The following PCDH15 variants were observed in gnomAD, a reference collection of about 807,000 sequenced individuals.
PCDH15 encodes protocadherin-15.
PCDH15 carries 129 observed loss-of-function variants against 178.5 expected under a neutral mutation model. The observed-to-expected ratio is 0.72, with a 90% CI of 0.63 to 0.84. PCDH15 has a LOEUF of 0.84. Among genes scored for constraint, PCDH15 ranks in the 40% least tolerant of loss-of-function variants. PCDH15 has a pLI of 0.00. For synonymous variants in PCDH15, 800 were observed against 732.0 expected, an observed-to-expected ratio of 1.09 and a Z score of -1.50; for missense variants, 2,230 against 2,099.9, an observed-to-expected ratio of 1.06 and a Z score of -1.21.
At chr10:54,205,409 C>T (rs2050688715) in intron 10 of PCDH15, among the ~76,000 whole-genome samples, 1 of 151,662 alleles carries the variant, frequency 6.6e-6, no homozygotes, top group African/African-American at 2.4e-5. Context: ...TCCTGCAGCT[C>T]ACTGAAGCTC....
At chr10:55,553,144 A>C (rs1842030745) in intron 2 of PCDH15, among the ~76,000 whole-genome samples, 1 of 151,548 alleles carries the variant, frequency 6.6e-6, no homozygotes, top group Non-Finnish European at 1.5e-5. Context: ...TGACCACAGA[A>C]TAAGTGATGG....
chr10:55,572,486 T>C (rs951948922), intron 2 of PCDH15, among the ~76,000 whole-genome samples: 17 of 151,868 alleles, frequency 1.1e-4, no homozygotes, highest in African/African-American at 4.1e-4. Flanking sequence ...GCCTTCATTA[T>C]GCCAAGCACT....
intron 2 of PCDH15, among the ~76,000 whole-genome samples, chr10:55,130,214 A>G (rs1479740031): frequency 6.6e-6 from 1 of 152,054 alleles, no homozygotes; most frequent in Non-Finnish European, 1.5e-5. Context: ...ATGTAGATAG[A>G]AGGAGTGTTG....
intron 1 of PCDH15, among the ~76,000 whole-genome samples, chr10:55,191,668 C>G (rs1839947802): frequency 6.6e-6 from 1 of 151,830 alleles, no homozygotes; most frequent in South Asian, 2.1e-4. Flanking sequence ...GTTCCATAAT[C>G]AGTTGATAAG....
chr10:54,290,502 A>G (rs1429947484), intron 8 of PCDH15, among the ~76,000 whole-genome samples: 1 of 152,186 alleles, frequency 6.6e-6, no homozygotes, highest in Non-Finnish European at 1.5e-5. Context: ...TGGCAAAATA[A>G]CCAGCGAACA....
chr10:55,322,641 C>T (rs1352501997), upstream of PCDH15, among the ~76,000 whole-genome samples: 2 of 151,998 alleles, frequency 1.3e-5, no homozygotes, highest in African/African-American at 4.8e-5. Flanking sequence ...TATTGCCATG[C>T]AAAGGGAATG....
At chr10:55,422,085 A>G (rs1161287990) in intron 2 of PCDH15, among the ~76,000 whole-genome samples, 1 of 151,752 alleles carries the variant, frequency 6.6e-6, no homozygotes, top group Non-Finnish European at 1.5e-5. Context: ...CATTACTCCA[A>G]AAACAACTCC....
At chr10:55,302,316 G>A (rs1010566303) in intron 1 of PCDH15, among the ~76,000 whole-genome samples, 2 of 151,970 alleles carry the variant, frequency 1.3e-5, no homozygotes, top group Non-Finnish European at 2.9e-5. Context: ...TGTTTTACTA[G>A]ATATTTCATT....
chr10:54,797,086 C>G (rs531406250), intron 1 of PCDH15, among the ~76,000 whole-genome samples: 3 of 151,976 alleles, frequency 2.0e-5, no homozygotes, highest in African/African-American at 2.4e-5. Context: ...TGTCCTCCCC[C>G]GGTCAGGAAA....
chr10:55,434,166 C>T (rs1330579807), intron 2 of PCDH15, among the ~76,000 whole-genome samples: 5 of 141,614 alleles, frequency 3.5e-5, no homozygotes, highest in South Asian at 2.3e-4. Context: ...CTGCAAGCTC[C>T]GCCTCCCGGG....
intron 2 of PCDH15, among the ~76,000 whole-genome samples, chr10:55,325,555 T>C (rs1171272188): frequency 3.3e-5 from 5 of 152,112 alleles, no homozygotes; most frequent in Non-Finnish European, 7.4e-5. Context: ...TTACACCGTA[T>C]ACAAAAATCA....
chr10:55,466,800 C>G (rs983438611), intron 2 of PCDH15, among the ~76,000 whole-genome samples: 1 of 152,140 alleles, frequency 6.6e-6, no homozygotes, highest in African/African-American at 2.4e-5. Flanking sequence ...TTTTTCCACT[C>G]TTATTCTCCC....
chr10:55,062,426 T>C (rs904820860), intron 2 of PCDH15, among the ~76,000 whole-genome samples: 1 of 152,182 alleles, frequency 6.6e-6, no homozygotes, highest in African/African-American at 2.4e-5. Flanking sequence ...GCCATCAGAA[T>C]AGACTAAGAC....
intron 2 of PCDH15, among the ~76,000 whole-genome samples, chr10:55,114,912 A>G (rs1230317609): frequency 1.3e-5 from 2 of 152,236 alleles, no homozygotes; most frequent in African/African-American, 4.8e-5. Flanking sequence ...ATCCCATAAA[A>G]TAGATGGCTA....
At chr10:55,390,826 G>A (rs1015246796) in intron 2 of PCDH15, among the ~76,000 whole-genome samples, 1 of 152,108 alleles carries the variant, frequency 6.6e-6, no homozygotes, top group Non-Finnish European at 1.5e-5. Context: ...TTCAAAAGTC[G>A]GTCTCAACCC....
At chr10:54,510,310 C>A (rs1399301791) in intron 3 of PCDH15, among the ~76,000 whole-genome samples, 1 of 152,054 alleles carries the variant, frequency 6.6e-6, no homozygotes, top group African/African-American at 2.4e-5. Flanking sequence ...ACATATCTAC[C>A]CTGATGCCCT....
At chr10:54,104,713 T>C (rs191307663) in intron 15 of PCDH15, among the ~76,000 whole-genome samples, 70 of 151,930 alleles carry the variant, frequency 4.6e-4, no homozygotes, top group Non-Finnish European at 8.2e-4. Context: ...GGCGGGCGCC[T>C]GTAGTCCCAG....
chr10:54,317,164 A>AG, intron 8 of PCDH15, 107 bp downstream of exon 8: 1 of 1,187,106 alleles, frequency 8.4e-7, no homozygotes, highest in African/African-American at 1.5e-5. Flanking sequence ...CAATGTGCAT[A>AG]TACTGAGTTT....
At chr10:55,264,259 G>C (rs1480646782) in intron 1 of PCDH15, among the ~76,000 whole-genome samples, 1 of 152,090 alleles carries the variant, frequency 6.6e-6, no homozygotes, top group Non-Finnish European at 1.5e-5. Context: ...CCAGGTCTGA[G>C]GCATCCAAAG....
Sources: allele counts gnomAD v4.1 joint callset (sites outside exome capture counted in the v4.1 genomes callset), GRCh38; gene constraint gnomAD v4.1.1; transcripts MANE v1.5; gene names NCBI Gene and HGNC (gene_info 2026-07-23, HGNC 2026-07-21).